ATP2A2: variants seen among roughly 807,000 people sequenced by gnomAD.
ATP2A2 encodes sarcoplasmic/endoplasmic reticulum calcium ATPase 2.
Under a neutral mutation model 109.3 loss-of-function variants are expected in ATP2A2, and 14 were observed. The observed-to-expected ratio is 0.13, with a 90% CI of 0.08 to 0.20. ATP2A2 has a LOEUF of 0.20. ATP2A2 is among the 10% of genes least tolerant of loss of function. The probability of loss-of-function intolerance (pLI) is 1.00; values close to 1 mark genes in which losing one functional copy is unlikely to be tolerated. For synonymous variants in ATP2A2, 506 were observed against 490.9 expected, an observed-to-expected ratio of 1.03 and a Z score of -0.41; for missense variants, 657 against 1,321.6, an observed-to-expected ratio of 0.50 and a Z score of 7.80.
In ATP2A2 at chr12:110,350,217, A is replaced by G. The variant is rs1880272759; in HGVS notation, c.*3747A>G. The G allele has an allele frequency of 1.2e-6, 2 of 1,613,862 alleles. No homozygotes were observed. The highest frequency in any genetic ancestry group is 1.7e-6 in the Non-Finnish European group (2 of 1,179,944). On this transcript the variant is annotated 3_prime_UTR_variant, in exon 20 of 20. Coordinates refer to ENST00000539276, the MANE Select transcript of ATP2A2 (RefSeq NM_170665.4). ...TTTTCATCTGTCGCTGTTGATCTTCATCTATTTAAATAGGTATTCTAACGT... is the reference window on the plus strand; with the variant it reads ...TTTTCATCTGTCGCTGTTGATCTTCGTCTATTTAAATAGGTATTCTAACGT...
At chr12:110,315,079 G>A (rs146997670) in intron 5 of ATP2A2, among the ~76,000 whole-genome samples, 40 of 152,250 alleles carry the variant, frequency 2.6e-4, no homozygotes, top group African/African-American at 8.7e-4. Flanking sequence ...TGTTAGCCAG[G>A]ATGATCTCGT....
At chr12:110,300,117 C>T (rs965768066) in intron 5 of ATP2A2, among the ~76,000 whole-genome samples, 1 of 92,058 alleles carries the variant, frequency 1.1e-5, no homozygotes, top group Non-Finnish European at 2.2e-5. Flanking sequence ...CTCCCCCTTT[C>T]CCTCCCCTCC....
intron 10 of ATP2A2, among the ~76,000 whole-genome samples, chr12:110,333,680 A>C (rs1424198103): frequency 2.0e-5 from 3 of 152,242 alleles, no homozygotes; most frequent in Non-Finnish European, 4.4e-5. Context: ...AAGCAGTGAC[A>C]TGGAATTACA....
Position 110,342,703 on chromosome 12 carries a change from C to T in ATP2A2, c.2318+255C>T, listed in dbSNP as rs1389415098. Among the ~76,000 whole-genome samples the T allele has an allele frequency of 6.6e-6, 1 of 152,182 alleles. No homozygotes were observed. On this transcript the variant is annotated intron_variant, in intron 15 of 19. Coordinates refer to ENST00000539276, the MANE Select transcript of ATP2A2 (RefSeq NM_170665.4). The surrounding 1 kb of genome is among the most constrained non-coding windows in gnomAD (Gnocchi z 4.6). Reference sequence around the variant, plus strand: ...TGAGCTAACATTAACCAGGTAGTCACATGAAATTCTTGCCCTCCAAAAGTT... The same window carrying T: ...TGAGCTAACATTAACCAGGTAGTCATATGAAATTCTTGCCCTCCAAAAGTT...
At chr12:110,320,210 A>G (rs1176432653) in intron 5 of ATP2A2, among the ~76,000 whole-genome samples, 1 of 152,204 alleles carries the variant, frequency 6.6e-6, no homozygotes, top group African/African-American at 2.4e-5. Context: ...CTCAATTTAA[A>G]TATTAGATTT....
At chr12:110,294,063 A>C (rs932620073) in intron 4 of ATP2A2, among the ~76,000 whole-genome samples, 3 of 149,684 alleles carry the variant, frequency 2.0e-5, no homozygotes, top group African/African-American at 7.4e-5. Context: ...TGTTTTTTTG[A>C]GACAGAGTCT....
Position 110,282,589 on chromosome 12 carries a change from T to C in ATP2A2, c.119-15T>C. 6.2e-7 allele frequency: 1 copy of C among 1,614,008 alleles called. No individual in the cohort carries two copies. Among genetic ancestry groups the C allele is most frequent in the Non-Finnish European group, 8.5e-7 (1 of 1,179,952 alleles). On this transcript the variant is annotated splice_polypyrimidine_tract_variant and intron_variant, in intron 1 of 19. Coordinates refer to ENST00000539276, the MANE Select transcript of ATP2A2 (RefSeq NM_170665.4). ...CCTCTTGACACATTGCTTGACGAAT[T>C]TCTACATTCTACAGAGTTACCGGCT... is the stretch of plus-strand genomic sequence containing the variant.
At chr12:110,325,627 CAAAA>C (rs902274593) in intron 6 of ATP2A2, among the ~76,000 whole-genome samples, 1 of 121,990 alleles carries the variant, frequency 8.2e-6, no homozygotes. Flanking sequence ...GACTCCGTCT[CAAAA>C]AAAAAAAAAA....
At chr12:110,323,741 A>G (rs906139366) in intron 6 of ATP2A2, among the ~76,000 whole-genome samples, 2 of 152,330 alleles carry the variant, frequency 1.3e-5, no homozygotes, top group East Asian at 3.9e-4. Flanking sequence ...ACAGTGAGCC[A>G]TGCTTGTGCC....
At chr12:110,345,455 C>T (rs1199390118) in intron 18 of ATP2A2, 73 bp downstream of exon 18, 10 of 1,591,284 alleles carry the variant, frequency 6.3e-6, no homozygotes, top group East Asian at 2.2e-5. Context: ...TGTGTAGTCA[C>T]GGTTGATTGA....
At position 110,346,021 on chromosome 12, in the gene ATP2A2, T is replaced by C. The variant is rs765727027; in HGVS notation, c.2762T>C (p.Leu921Ser). Residue 921 changes from leucine to serine, a missense_variant, in exon 19 of 20, where the codon TTG becomes TCG. Physicochemically the swap from Leu to Ser is moderately radical, Grantham distance 145. Coordinates refer to ENST00000539276, the MANE Select transcript of ATP2A2 (RefSeq NM_170665.4). ...TGCAGCTTGTCCGAAAACCAGTCCT[T>C]GCTGAGGATGCCCCCCTGGGAGAAC... ...ALNSLSENQS[L>S]LRMPPWENIW... The C allele has an allele frequency of 6.2e-7, 1 of 1,614,170 alleles. No homozygotes were observed. Among genetic ancestry groups the C allele is most frequent in the East Asian group, 2.2e-5 (1 of 44,884 alleles).
In ATP2A2 at chr12:110,309,140, A is replaced by ATTTTTTTTTT. The variant is rs10665212; in HGVS notation, c.463+12429_463+12438dup. 6.1e-4 allele frequency among the ~76,000 whole-genome samples: 30 copies of ATTTTTTTTTT among 48,904 alleles called. 2 individuals carry two copies. Among genetic ancestry groups the ATTTTTTTTTT allele is most frequent in the African/African-American group, 1.1e-3 (13 of 11,596 alleles). 32.1% of individuals were successfully genotyped at this position (48,904 alleles called of 152,430 possible). A position where few individuals can be genotyped will look rare whatever the true frequency, so the allele number is the denominator to read the frequency against. ...ATGGAGAGAGAGTTTAAGGAAACTAATTTTTTTTTTTTTTTTTTTTTTTTT... is the reference window on the plus strand; with the variant it reads ...ATGGAGAGAGAGTTTAAGGAAACTAATTTTTTTTTTTTTTTTTTTTTTTTTTTTTTTTTTT... On this transcript the variant is annotated intron_variant, in intron 5 of 19. Coordinates refer to ENST00000539276, the MANE Select transcript of ATP2A2 (RefSeq NM_170665.4).
chr12:110,303,260 C>T (rs1874879803), intron 5 of ATP2A2, among the ~76,000 whole-genome samples: 1 of 152,178 alleles, frequency 6.6e-6, no homozygotes, highest in Non-Finnish European at 1.5e-5. Context: ...GAGTCTTGTT[C>T]TGTCACCCAG....
chr12:110,285,645 A>G (rs1446569840), intron 3 of ATP2A2, among the ~76,000 whole-genome samples: 3 of 152,180 alleles, frequency 2.0e-5, no homozygotes, highest in Admixed American at 1.3e-4. Context: ...TTCTTGAGGA[A>G]GGTGACATTT....
intron 5 of ATP2A2, among the ~76,000 whole-genome samples, chr12:110,301,975 G>T (rs964784024): frequency 4.0e-5 from 6 of 151,876 alleles, no homozygotes; most frequent in Non-Finnish European, 8.8e-5. Flanking sequence ...GACCTATCTC[G>T]CTTTCTCACA....
At chr12:110,284,051 T>C (rs1485289368) in intron 3 of ATP2A2, among the ~76,000 whole-genome samples, 1 of 152,224 alleles carries the variant, frequency 6.6e-6, no homozygotes, top group African/African-American at 2.4e-5. Context: ...CATTAATAAT[T>C]CAGTCCCCAA....
At chr12:110,326,983 T>C (rs1179993009) in intron 7 of ATP2A2, among the ~76,000 whole-genome samples, 6 of 152,206 alleles carry the variant, frequency 3.9e-5, no homozygotes, top group Non-Finnish European at 8.8e-5. Context: ...GTTGGGGACA[T>C]TTGTGGGTTT....
Position 110,327,716 on chromosome 12 carries a change from C to G in ATP2A2, c.794C>G (p.Ser265Cys), listed in dbSNP as rs1012731102. The G allele has an allele frequency of 6.2e-7, 1 of 1,614,174 alleles. No homozygotes were observed. Among genetic ancestry groups the G allele is most frequent in the Non-Finnish European group, 8.5e-7 (1 of 1,180,024 alleles). The stretch of plus-strand genomic sequence containing the variant: ...GGGGAACAGCTTTCCAAAGTCATCT[C>G]CCTTATTTGCATTGCAGTCTGGATC... ...EFGEQLSKVI[S>C]LICIAVWIIN... The change falls in exon 8 of 20, where the codon TCC becomes TGC. Residue 265 changes from serine to cysteine, a missense_variant. Transcript: ENST00000539276. This position sits in a 1 kb window ranked among gnomAD's most constrained non-coding sequence, Gnocchi z 4.4.
rs1879187067 is a variant in ATP2A2 at position 110,339,900 on chromosome 12, T to G, written c.1761+179T>G. ...ATTTGCTGCTTCAAACATACATAGT[T>G]AATAATTTCATAAAAGTGTTATTTT... On this transcript the variant is annotated intron_variant, in intron 13 of 19. Transcript: ENST00000539276. The surrounding 1 kb of genome is among the most constrained non-coding windows in gnomAD (Gnocchi z 4.4). Among the ~76,000 whole-genome samples, 1 of 152,212 alleles carries G rather than the reference T, an allele frequency of 6.6e-6. No homozygotes were observed. Among genetic ancestry groups the G allele is most frequent in the African/African-American group, 2.4e-5 (1 of 41,438 alleles).
Sources: allele counts gnomAD v4.1 joint callset (sites outside exome capture counted in the v4.1 genomes callset), GRCh38; gene constraint gnomAD v4.1.1; non-coding constraint Gnocchi (gnomAD v3.1); transcripts MANE v1.5; gene names NCBI Gene and HGNC (gene_info 2026-07-23, HGNC 2026-07-21).